ROBO2: variants seen among roughly 807,000 people sequenced by gnomAD.
The protein encoded by ROBO2 is roundabout guidance receptor 2.
ROBO2 carries 53 observed loss-of-function variants against 160.8 expected under a neutral mutation model. That is an observed-to-expected ratio of 0.33 (90% CI 0.26 to 0.41). ROBO2 has a LOEUF of 0.41. Among genes scored for constraint, ROBO2 ranks in the 10% least tolerant of loss-of-function variants. The pLI is 1.00. For missense variants in ROBO2, 1,577 were observed against 1,722.4 expected, an observed-to-expected ratio of 0.92 and a Z score of 1.49; for synonymous variants, 664 against 611.7, an observed-to-expected ratio of 1.09 and a Z score of -1.26.
At position 76,580,349 on chromosome 3, in the gene ROBO2, T is replaced by G. The variant is rs1200598279; in HGVS notation, c.110-517665T>G. 5.1e-4 allele frequency among the ~76,000 whole-genome samples: 75 copies of G among 148,116 alleles called. 1 individual carries two copies. Among genetic ancestry groups the G allele is most frequent in the Admixed American group, 9.4e-4 (14 of 14,888 alleles). The stretch of plus-strand genomic sequence containing the variant: ...TTTTGTTTTTTTTTTTGTGTTTTTT[T>G]TTTTGTTTTTTTTTTTGGTTTTTTT... On this transcript the variant is annotated intron_variant, in intron 2 of 26. Coordinates refer to the ROBO2 transcript ENST00000487694.
At chr3:77,568,253 T>C (rs1326770901) in intron 12 of ROBO2, 60 bp from the exon 14 acceptor site, 2 of 1,582,066 alleles carry the variant, frequency 1.3e-6, no homozygotes, top group Non-Finnish European at 1.7e-6. Context: ...TTACATAAAA[T>C]AAATTGTAAT....
intron 2 of ROBO2, among the ~76,000 whole-genome samples, chr3:76,960,445 G>A (rs2079567111): frequency 6.8e-6 from 1 of 146,352 alleles, no homozygotes; most frequent in South Asian, 2.2e-4. Context: ...GCATATATCT[G>A]TATCTATATA....
chr3:77,514,742 C>T (rs894427867), intron 5 of ROBO2, among the ~76,000 whole-genome samples: 3 of 151,764 alleles, frequency 2.0e-5, no homozygotes, highest in Non-Finnish European at 4.4e-5. Context: ...GGGAGAAATG[C>T]ATATTTTCCC....
At chr3:76,837,230 C>A (rs2067782504) in intron 2 of ROBO2, among the ~76,000 whole-genome samples, 1 of 151,850 alleles carries the variant, frequency 6.6e-6, no homozygotes, top group East Asian at 1.9e-4. Context: ...CTAAATATTT[C>A]AATTGATAGG....
intron 2 of ROBO2, among the ~76,000 whole-genome samples, chr3:75,972,605 A>T (rs1053916534): frequency 3.3e-5 from 5 of 151,688 alleles, no homozygotes; most frequent in Admixed American, 3.3e-4. Context: ...TTTTGGAGAA[A>T]TGCAGGGCAT....
chr3:76,948,854 G>A (rs867713251), intron 2 of ROBO2, among the ~76,000 whole-genome samples: 27 of 126,208 alleles, frequency 2.1e-4, no homozygotes, highest in African/African-American at 3.5e-4. Flanking sequence ...ACAGGTGCCC[G>A]CCACCACACC....
chr3:77,461,808 A>G (rs2082273017), intron 2 of ROBO2, among the ~76,000 whole-genome samples: 1 of 151,708 alleles, frequency 6.6e-6, no homozygotes, highest in Non-Finnish European at 1.5e-5. Flanking sequence ...GCTCACTGCA[A>G]TCCTCTCCTC....
In ROBO2 at chr3:76,132,539, A is replaced by G. The variant is rs190840022; in HGVS notation, c.109+194937A>G. On this transcript the variant is annotated intron_variant, in intron 2 of 26. Coordinates refer to the ROBO2 transcript ENST00000487694. ...GGATGCCACCGAGGACTAACCTTGC[A>G]AGCAGGCCTTTCTGAAGGTAGCAGT... 3.6e-3 allele frequency among the ~76,000 whole-genome samples: 555 copies of G among 152,202 alleles called. 3 individuals carry two copies. Among genetic ancestry groups the G allele is most frequent in the African/African-American group, 0.013 (537 of 41,566 alleles).
intron 2 of ROBO2, among the ~76,000 whole-genome samples, chr3:76,374,462 A>C (rs2076249472): frequency 1.3e-5 from 2 of 152,068 alleles, no homozygotes; most frequent in African/African-American, 4.8e-5. Flanking sequence ...TAAACACAAT[A>C]ACAGTTTAAT....
intron 2 of ROBO2, among the ~76,000 whole-genome samples, chr3:76,817,308 A>T (rs1051283788): frequency 6.6e-6 from 1 of 152,046 alleles, no homozygotes; most frequent in Non-Finnish European, 1.5e-5. Flanking sequence ...TCCGTTTATT[A>T]GGCTGGTAAG....
At chr3:76,515,380 A>G (rs766855246) in intron 2 of ROBO2, among the ~76,000 whole-genome samples, 1 of 152,160 alleles carries the variant, frequency 6.6e-6, no homozygotes, top group Admixed American at 6.5e-5. Context: ...TTTATTCTCA[A>G]ATGTATATTT....
intron 2 of ROBO2, among the ~76,000 whole-genome samples, chr3:76,998,787 G>T (rs960771460): frequency 1.3e-5 from 2 of 152,214 alleles, no homozygotes; most frequent in South Asian, 2.1e-4. Context: ...CTCTGGAAAG[G>T]TTGAATTAAG....
chr3:77,626,568 C>T (rs573244119), intron 23 of ROBO2, among the ~76,000 whole-genome samples: 9 of 151,966 alleles, frequency 5.9e-5, no homozygotes, highest in Non-Finnish European at 1.5e-5. Flanking sequence ...CGTTGGGTAA[C>T]GGGGAGGGAG....
intron 2 of ROBO2, among the ~76,000 whole-genome samples, chr3:77,354,158 G>A (rs7640229): frequency 0.78 from 118,563 of 152,104 alleles, 46,998 homozygotes; most frequent in Non-Finnish European, 0.86. Flanking sequence ...CCCCAGAAGA[G>A]ATAGATCTCA....
chr3:76,006,301 G>A (rs1037280049), intron 2 of ROBO2, among the ~76,000 whole-genome samples: 13 of 152,108 alleles, frequency 8.5e-5, no homozygotes, highest in Admixed American at 2.0e-4. Context: ...TTTGAAATAA[G>A]TAATACTGGA....
At chr3:77,089,710 G>A (rs575681115) in intron 1 of ROBO2, among the ~76,000 whole-genome samples, 1 of 152,236 alleles carries the variant, frequency 6.6e-6, no homozygotes, top group Admixed American at 6.5e-5. Flanking sequence ...TGGATAAAAT[G>A]GACTTCGTGT....
intron 2 of ROBO2, among the ~76,000 whole-genome samples, chr3:76,045,743 G>A (rs1389955302): frequency 6.6e-6 from 1 of 151,808 alleles, no homozygotes; most frequent in African/African-American, 2.4e-5. Flanking sequence ...GTTTATTTTG[G>A]AAAGTATTTC....
chr3:77,639,811 T>C (rs561879420), intron 24 of ROBO2, among the ~76,000 whole-genome samples: 1 of 152,280 alleles, frequency 6.6e-6, no homozygotes, highest in African/African-American at 2.4e-5. Context: ...ATCTTATTTG[T>C]ATATTTTTTA....
At chr3:77,597,769 G>C (rs2094341012) in intron 19 of ROBO2, among the ~76,000 whole-genome samples, 1 of 152,082 alleles carries the variant, frequency 6.6e-6, no homozygotes, top group South Asian at 2.1e-4. Context: ...ACAAATAAAA[G>C]AGACATTGAC....
Sources: gnomAD v4.1 joint callset for allele counts (sites outside exome capture counted in the v4.1 genomes callset) on GRCh38, gnomAD v4.1.1 for gene constraint, MANE v1.5 for transcripts, NCBI Gene and HGNC (gene_info 2026-07-23, HGNC 2026-07-21) for gene names.